ADCK1: variants seen among roughly 807,000 people sequenced by gnomAD.
The protein encoded by ADCK1 is aarF domain-containing protein kinase 1.
A neutral mutation model predicts 52.3 loss-of-function variants in ADCK1; 41 were observed. The ratio of observed to expected loss-of-function variants is 0.78; its 90% CI spans 0.61 to 1.02. ADCK1 has a LOEUF of 1.02. Among genes scored for constraint, ADCK1 ranks in the 50% least tolerant of loss-of-function variants. The pLI, the probability that ADCK1 is intolerant of heterozygous loss-of-function variation, is 0.00. For missense variants in ADCK1, 658 were observed against 679.5 expected (o/e 0.97, Z 0.35); for synonymous variants, 250 against 274.6 (o/e 0.91, Z 0.89).
intron 1 of ADCK1, among the ~76,000 whole-genome samples, chr14:77,811,197 C>A (rs749342041): frequency 5.3e-5 from 8 of 151,568 alleles, no homozygotes; most frequent in Non-Finnish European, 1.2e-4. Context: ...TAAAGCCTGG[C>A]ACTGGGTGAG....
rs757936963 is a variant in ADCK1, at chr14:77,933,440, C to G, written c.*49C>G. ...TTCTGGTGTCTTTCCACTCCTCAGC[C>G]CCTCATCTTGCCTCCACCCAGCTGC... On this transcript the variant is annotated 3_prime_UTR_variant, in exon 11 of 11. Transcript: ENST00000238561. 7 of 1,599,094 alleles carry G rather than the reference C, an allele frequency of 4.4e-6. No individual in the cohort carries two copies. The East Asian group carries it at 1.6e-4, about 36-fold the overall frequency.
intron 3 of ADCK1, among the ~76,000 whole-genome samples, chr14:77,832,320 C>T (rs1414081189): frequency 6.6e-6 from 1 of 152,160 alleles, no homozygotes. Flanking sequence ...AGGTGTGTAG[C>T]ACATCATGAA....
intron 2 of ADCK1, among the ~76,000 whole-genome samples, chr14:77,820,863 A>AAGTGAG (rs1259166121): frequency 3.3e-5 from 5 of 151,898 alleles, no homozygotes; most frequent in Admixed American, 6.6e-5. Context: ...TCCTGGGTCC[A>AAGTGAG]AGTGAGCACA....
chr14:77,903,845 A>G (rs371131941), intron 6 of ADCK1, among the ~76,000 whole-genome samples: 20 of 152,284 alleles, frequency 1.3e-4, no homozygotes, highest in African/African-American at 3.4e-4. Context: ...AAGATTAGGA[A>G]CTACAGATGG....
chr14:77,913,549 G>A (rs547506051), intron 7 of ADCK1, among the ~76,000 whole-genome samples: 1 of 152,336 alleles, frequency 6.6e-6, no homozygotes, highest in African/African-American at 2.4e-5. Context: ...GGTCGTGCAG[G>A]AGTCCTCTTT....
chr14:77,862,809 T>G (rs977063688), intron 4 of ADCK1, among the ~76,000 whole-genome samples: 2 of 152,208 alleles, frequency 1.3e-5, no homozygotes, highest in Non-Finnish European at 2.9e-5. Context: ...GTCCTCACAG[T>G]CCAGGGTCAT....
chr14:77,855,526 A>T (rs950919532), intron 3 of ADCK1, among the ~76,000 whole-genome samples: 4 of 151,996 alleles, frequency 2.6e-5, no homozygotes, highest in African/African-American at 9.7e-5. Flanking sequence ...CTGAGGTTAA[A>T]CTCTGTTAAT....
At chr14:77,801,423 T>C (rs1216273039) in intron 1 of ADCK1, among the ~76,000 whole-genome samples, 1 of 152,250 alleles carries the variant, frequency 6.6e-6, no homozygotes, top group African/African-American at 2.4e-5. Flanking sequence ...TATTACTTTG[T>C]ACACTGTTAA....
chr14:77,832,634 C>G (rs1330318842), intron 3 of ADCK1, among the ~76,000 whole-genome samples: 1 of 152,160 alleles, frequency 6.6e-6, no homozygotes. Flanking sequence ...CTCATTTAAT[C>G]AATAAAACAG....
In ADCK1 at chr14:77,883,000, C is replaced by T. The variant is rs1412770495; in HGVS notation, c.424-4091C>T. Among the ~76,000 whole-genome samples the T allele has an allele frequency of 2.2e-5, 3 of 136,490 alleles. No individual in the cohort carries two copies. In the Admixed American group the frequency reaches 2.4e-4, roughly 11 times the overall value. The allele number at this position is 136,490 out of a possible 152,430, so 89.5% of individuals were successfully genotyped here. ...TTTGCTCATTAAATGACAAACACTT[C>T]CCCCCTTCGCACATGTGTGCACACA... On this transcript the variant is annotated intron_variant, in intron 4 of 10. Transcript: ENST00000238561.
chr14:77,831,545 C>A (rs1431299120), intron 3 of ADCK1, among the ~76,000 whole-genome samples: 2 of 152,196 alleles, frequency 1.3e-5, no homozygotes, highest in African/African-American at 4.8e-5. Context: ...TTACTAAAAT[C>A]TGCACTTAGA....
chr14:77,891,780 C>G (rs1376061144), intron 5 of ADCK1, among the ~76,000 whole-genome samples: 1 of 152,196 alleles, frequency 6.6e-6, no homozygotes, highest in African/African-American at 2.4e-5. Context: ...CTGGGTAACA[C>G]TGCCATCTCA....
intron 4 of ADCK1, among the ~76,000 whole-genome samples, chr14:77,885,356 A>C (rs912960754): frequency 6.6e-6 from 1 of 152,204 alleles, no homozygotes; most frequent in African/African-American, 2.4e-5. Context: ...CACAAATAAC[A>C]AACCAACCAG....
At chr14:77,892,600 G>A (rs2083305038) in intron 5 of ADCK1, among the ~76,000 whole-genome samples, 1 of 150,926 alleles carries the variant, frequency 6.6e-6, no homozygotes, top group Non-Finnish European at 1.5e-5. Context: ...AACAGTTCCT[G>A]GTGTTACAAG....
At chr14:77,800,506 G>C (rs72688827) in intron 1 of ADCK1, among the ~76,000 whole-genome samples, 2,193 of 152,386 alleles carry the variant, frequency 0.014, 22 homozygotes, top group Non-Finnish European at 0.022. Flanking sequence ...AGGAGGGCCG[G>C]AGGTGGCTCA....
Position 77,933,678 on chromosome 14 carries a change from T to G in ADCK1, c.*287T>G. 1 of 373,190 alleles carries G rather than the reference T, an allele frequency of 2.7e-6. No individual in the cohort carries two copies. The highest frequency in any genetic ancestry group is 2.0e-5 in the African/African-American group (1 of 50,076). 23.1% of individuals were successfully genotyped at this position (373,190 alleles called of 1,614,324 possible). A position where few individuals can be genotyped will look rare whatever the true frequency, so the allele number is the denominator to read the frequency against. The stretch of plus-strand genomic sequence containing the variant: ...CATTGGGTTGGATGTCCCCACTACT[T>G]CCGTTAACCCTTCCCATTGTCAAGA... On this transcript the variant is annotated 3_prime_UTR_variant, in exon 11 of 11. Transcript: ENST00000238561.
intron 4 of ADCK1, among the ~76,000 whole-genome samples, chr14:77,867,955 T>C (rs959595257): frequency 6.6e-6 from 1 of 152,258 alleles, no homozygotes; most frequent in Non-Finnish European, 1.5e-5. Context: ...GCCAGTTCAC[T>C]GTCAGCTGTG....
intron 3 of ADCK1, among the ~76,000 whole-genome samples, chr14:77,838,954 C>T (rs761173350): frequency 9.9e-5 from 15 of 152,280 alleles, no homozygotes; most frequent in Non-Finnish European, 1.5e-4. Context: ...AAAGCACATC[C>T]GCTCCAGGAG....
At chr14:77,867,284 C>G (rs2082681797) in intron 4 of ADCK1, among the ~76,000 whole-genome samples, 1 of 152,156 alleles carries the variant, frequency 6.6e-6, no homozygotes, top group South Asian at 2.1e-4. Flanking sequence ...CAGACTGTCC[C>G]CAAGAAGGCT....
Sources: gnomAD v4.1 joint callset for allele counts (sites outside exome capture counted in the v4.1 genomes callset) on GRCh38, gnomAD v4.1.1 for gene constraint, MANE v1.5 for transcripts, NCBI Gene and HGNC (gene_info 2026-07-23, HGNC 2026-07-21) for gene names.